RLIG1: variants seen among roughly 807,000 people sequenced by gnomAD.
The protein encoded by RLIG1 is RNA 5'-phosphate and 3'-OH ligase 1.
At chr12:88,048,120 TA>T in the RLIG1 span, 1 of 633,880 alleles carries the variant, frequency 1.6e-6, no homozygotes, top group Non-Finnish European at 2.4e-6. Context: ...AAAAAAACAG[TA>T]AGATAAAGTG....
the RLIG1 span, among the ~76,000 whole-genome samples, chr12:88,038,026 A>G: frequency 6.6e-6 from 1 of 152,206 alleles, no homozygotes; most frequent in Non-Finnish European, 1.5e-5. Context: ...CTCAAAGCAA[A>G]CAAACTCAAA....
the RLIG1 span, chr12:88,041,899 G>T: frequency 5.9e-5 from 9 of 152,138 alleles, no homozygotes; most frequent in African/African-American, 1.9e-4. Context: ...TATGCGTGAG[G>T]ACGGCAAACT....
At chr12:88,042,416 G>C in the RLIG1 span, 1 of 153,654 alleles carries the variant, frequency 6.5e-6, no homozygotes. Context: ...GTGCCATGCA[G>C]AACAGCTCAG....
chr12:88,042,880 A>C, the RLIG1 span: 5 of 1,573,334 alleles, frequency 3.2e-6, no homozygotes, highest in African/African-American at 6.9e-5. Flanking sequence ...AAGCTGAAAA[A>C]AGATTTAAAA....
the RLIG1 span, chr12:88,035,694 G>T: frequency 6.2e-7 from 1 of 1,608,326 alleles, no homozygotes; most frequent in Non-Finnish European, 8.5e-7. Flanking sequence ...GTGTGTGTTT[G>T]TGACGGAGGT....
chr12:88,035,875 G>A, the RLIG1 span: 1 of 1,507,164 alleles, frequency 6.6e-7, no homozygotes, highest in African/African-American at 1.4e-5. Flanking sequence ...GGTTTCCCTG[G>A]GGAGGTCTGG....
chr12:88,042,905 A>G, the RLIG1 span: 9 of 1,567,852 alleles, frequency 5.7e-6, no homozygotes, highest in African/African-American at 2.8e-5. Flanking sequence ...TCTACATTCA[A>G]AAGAAAACCC....
the RLIG1 span, chr12:88,049,059 T>A: frequency 2.1e-6 from 1 of 477,190 alleles, no homozygotes. Flanking sequence ...AGAATTCCAA[T>A]CTAAGTATAA....
the RLIG1 span, chr12:88,045,425 TA>T: frequency 6.5e-6 from 4 of 617,902 alleles, no homozygotes; most frequent in Middle Eastern, 1.3e-3. Flanking sequence ...TAAAAAGTAA[TA>T]AACTGTTAAC....
the RLIG1 span, among the ~76,000 whole-genome samples, chr12:88,041,179 A>G: frequency 4.5e-4 from 69 of 152,346 alleles, no homozygotes; most frequent in African/African-American, 1.6e-3. Flanking sequence ...GGTATTTCAT[A>G]TAAGTAGAAT....
chr12:88,040,503 G>A, the RLIG1 span, among the ~76,000 whole-genome samples: 3 of 152,134 alleles, frequency 2.0e-5, no homozygotes, highest in Non-Finnish European at 4.4e-5. Context: ...GCAGTATGGT[G>A]CTTGACATAT....
the RLIG1 span, chr12:88,043,727 T>C: frequency 1.2e-5 from 19 of 1,553,274 alleles, no homozygotes; most frequent in Non-Finnish European, 1.7e-5. Context: ...TATCATGATA[T>C]CTCTTCTAGT....
At chr12:88,048,479 T>A in the RLIG1 span, 1 of 888,398 alleles carries the variant, frequency 1.1e-6, no homozygotes, top group Non-Finnish European at 1.6e-6. Context: ...CTACCATATT[T>A]AAAAATATCT....
At chr12:88,042,397 CA>C in the RLIG1 span, 1 of 152,730 alleles carries the variant, frequency 6.5e-6, no homozygotes, top group African/African-American at 2.4e-5. Context: ...ATGCCTTGAT[CA>C]GGGGTCAGTG....
the RLIG1 span, chr12:88,049,584 T>C: frequency 1.9e-6 from 1 of 517,080 alleles, no homozygotes; most frequent in East Asian, 3.5e-5. Flanking sequence ...ACAGTGTAAA[T>C]AACTAAGTTG....
At chr12:88,036,434 C>T in the RLIG1 span, among the ~76,000 whole-genome samples, 4 of 152,140 alleles carry the variant, frequency 2.6e-5, no homozygotes, top group South Asian at 4.1e-4. Context: ...TCAAACAAAA[C>T]CAACATGTCC....
the RLIG1 span, chr12:88,049,133 A>T: frequency 1.8e-6 from 2 of 1,101,220 alleles, no homozygotes; most frequent in Non-Finnish European, 2.6e-6. Context: ...AAGTATATTT[A>T]ACTTATAAAG....
At chr12:88,046,554 A>AG in the RLIG1 span, among the ~76,000 whole-genome samples, 1 of 31,488 alleles carries the variant, frequency 3.2e-5, no homozygotes, top group Non-Finnish European at 1.4e-4. Flanking sequence ...AACTATTTAC[A>AG]AAAAAAGTAT....
chr12:88,048,297 G>T, the RLIG1 span: 4 of 1,601,970 alleles, frequency 2.5e-6, no homozygotes, highest in Non-Finnish European at 3.4e-6. Context: ...TTCAAGACCA[G>T]TTATTATCAA....
Sources: gnomAD v4.1 joint callset for allele counts (sites outside exome capture counted in the v4.1 genomes callset) on GRCh38, gnomAD v4.1.1 for gene constraint, MANE v1.5 for transcripts, NCBI Gene and HGNC (gene_info 2026-07-23, HGNC 2026-07-21) for gene names.